Variants in TNNI3K observed in about 807,000 individuals in gnomAD.
TNNI3K encodes the protein TNNI3 interacting kinase.
A neutral mutation model predicts 114.5 loss-of-function variants in TNNI3K; 140 were observed. That is an observed-to-expected ratio of 1.22 (90% CI 1.07 to 1.41). TNNI3K has a LOEUF of 1.41. TNNI3K is among the 40% of genes most tolerant of loss of function. The pLI is 0.00. For synonymous variants in TNNI3K, 347 were observed against 347.5 expected, an observed-to-expected ratio of 1.00 and a Z score of 0.02; for missense variants, 1,125 against 1,007.6, an observed-to-expected ratio of 1.12 and a Z score of -1.58.
chr1:74,285,751 C>T (rs531198932), intron 5 of TNNI3K, among the ~76,000 whole-genome samples: 1 of 152,060 alleles, frequency 6.6e-6, no homozygotes, highest in African/African-American at 2.4e-5. Context: ...AGGAATTAAA[C>T]AGAATGAGGA....
At chr1:74,280,157 C>T (rs551798381) in intron 5 of TNNI3K, among the ~76,000 whole-genome samples, 1 of 152,198 alleles carries the variant, frequency 6.6e-6, no homozygotes, top group Non-Finnish European at 1.5e-5. Context: ...CCGAGATGGG[C>T]TGTTCACGAG....
At chr1:74,442,054 A>T (rs1031061518) in intron 20 of TNNI3K, among the ~76,000 whole-genome samples, 2 of 151,500 alleles carry the variant, frequency 1.3e-5, no homozygotes, top group African/African-American at 4.8e-5. Context: ...ACTTCCCCCT[A>T]TTTTTTTTAT....
At chr1:74,329,189 G>T (rs1227830438) in intron 5 of TNNI3K, among the ~76,000 whole-genome samples, 1 of 152,020 alleles carries the variant, frequency 6.6e-6, no homozygotes, top group Admixed American at 6.6e-5. Flanking sequence ...TTTCACTTCT[G>T]CTCCCCAGAG....
intron 5 of TNNI3K, among the ~76,000 whole-genome samples, chr1:74,315,555 G>T (rs556296359): frequency 8.0e-5 from 12 of 150,884 alleles, no homozygotes; most frequent in East Asian, 7.8e-4. Flanking sequence ...CCAAGTTTTT[G>T]GTTTTTTTTT....
chr1:74,428,565 A>G (rs1336494607), intron 17 of TNNI3K, among the ~76,000 whole-genome samples: 1 of 152,074 alleles, frequency 6.6e-6, no homozygotes, highest in African/African-American at 2.4e-5. Context: ...TTTATCTTGA[A>G]GAAAATTCTT....
At chr1:74,369,312 T>G (rs200625389) in intron 15 of TNNI3K, 48 bp downstream of exon 15, 3 of 1,607,324 alleles carry the variant, frequency 1.9e-6, no homozygotes, top group Non-Finnish European at 2.5e-6. Flanking sequence ...AATTGTGACC[T>G]TTGAGAAGCA....
chr1:74,289,054 G>A (rs1051737648), intron 5 of TNNI3K, among the ~76,000 whole-genome samples: 6 of 40,836 alleles, frequency 1.5e-4, no homozygotes, highest in African/African-American at 5.1e-4. Flanking sequence ...CACATAGTGT[G>A]GTTAAACAGA....
At chr1:74,465,259 A>C (rs1667619248) in intron 21 of TNNI3K, among the ~76,000 whole-genome samples, 1 of 152,152 alleles carries the variant, frequency 6.6e-6, no homozygotes, top group African/African-American at 2.4e-5. Flanking sequence ...CCACTCCCTC[A>C]GCTTGCGGGG....
At chr1:74,452,800 C>T (rs45477800) in intron 20 of TNNI3K, among the ~76,000 whole-genome samples, 3,007 of 152,238 alleles carry the variant, frequency 0.02, 87 homozygotes, top group African/African-American at 0.069. Flanking sequence ...TCCATCTCAC[C>T]ACATGCAGCC....
intron 21 of TNNI3K, among the ~76,000 whole-genome samples, chr1:74,464,274 G>A (rs1667573997): frequency 6.6e-6 from 1 of 152,170 alleles, no homozygotes; most frequent in African/African-American, 2.4e-5. Flanking sequence ...TAGTAACACA[G>A]TTCAGTCCAG....
Position 74,369,422 on chromosome 1 carries a change from G to T in TNNI3K, c.1504G>T (p.Asp502Tyr). Residue 502 changes from aspartate (D) to tyrosine (Y), a missense_variant, in exon 16 of 25, where the codon GAT (aspartate) becomes TAT (tyrosine). By Grantham distance (160) the Asp-to-Tyr change is radical (BLOSUM62 -3). Transcript: ENST00000326637. ...YRANTYCSKSDVDMFCREVSI... is the reference protein window; with the variant it reads ...YRANTYCSKSYVDMFCREVSI... ...AGCCAATACCTACTGCTCCAAGTCAGATGTGGATATGTTTTGCCGAGAGGT... is the reference window on the plus strand; with the variant it reads ...AGCCAATACCTACTGCTCCAAGTCATATGTGGATATGTTTTGCCGAGAGGT... 1.9e-6 allele frequency: 3 copies of T among 1,611,818 alleles called. No individual in the cohort carries two copies. The highest frequency in any genetic ancestry group is 2.5e-6 in the Non-Finnish European group (3 of 1,178,878).
chr1:74,526,092 G>A (rs1393272356), intron 23 of TNNI3K, among the ~76,000 whole-genome samples: 1 of 152,190 alleles, frequency 6.6e-6, no homozygotes, highest in African/African-American at 2.4e-5. Context: ...AACCTCCTTA[G>A]GGTATTTCAA....
At chr1:74,354,577 T>C (rs1015493817) in intron 11 of TNNI3K, among the ~76,000 whole-genome samples, 3 of 152,198 alleles carry the variant, frequency 2.0e-5, no homozygotes, top group Admixed American at 6.5e-5. Context: ...GACCCAAGTG[T>C]AAACTTATTT....
chr1:74,322,072 G>T (rs1557495908), intron 5 of TNNI3K, among the ~76,000 whole-genome samples: 2 of 152,152 alleles, frequency 1.3e-5, no homozygotes, highest in Non-Finnish European at 2.9e-5. Flanking sequence ...CATCTAAAAT[G>T]CTTTCTAAGC....
At chr1:74,283,228 CA>C (rs1242171267) in intron 5 of TNNI3K, among the ~76,000 whole-genome samples, 1 of 152,066 alleles carries the variant, frequency 6.6e-6, no homozygotes, top group Non-Finnish European at 1.5e-5. Flanking sequence ...GAGTTGAAAC[CA>C]TAAACTCTAT....
intron 23 of TNNI3K, among the ~76,000 whole-genome samples, chr1:74,511,438 T>C (rs1487716258): frequency 6.6e-6 from 1 of 152,168 alleles, no homozygotes; most frequent in Admixed American, 6.5e-5. Flanking sequence ...CCTCAAGTAA[T>C]TCACTCTTAT....
At chr1:74,385,144 A>G (rs752625409) in intron 17 of TNNI3K, among the ~76,000 whole-genome samples, 12 of 152,302 alleles carry the variant, frequency 7.9e-5, no homozygotes, top group Non-Finnish European at 1.3e-4. Flanking sequence ...GTAAAATAGT[A>G]CATACCATAT....
At chr1:74,511,623 C>T (rs1010869581) in intron 23 of TNNI3K, among the ~76,000 whole-genome samples, 1 of 151,806 alleles carries the variant, frequency 6.6e-6, no homozygotes, top group African/African-American at 2.4e-5. Flanking sequence ...TATTGGACAC[C>T]CAATGATGGA....
intron 2 of TNNI3K, among the ~76,000 whole-genome samples, chr1:74,242,485 TATAAG>T (rs937003281): frequency 6.6e-6 from 1 of 152,210 alleles, no homozygotes; most frequent in Non-Finnish European, 1.5e-5. Flanking sequence ...ATTTGGCTAT[TATAAG>T]ATGAATAGCA....
Sources: gnomAD v4.1 joint callset for allele counts (sites outside exome capture counted in the v4.1 genomes callset) on GRCh38, gnomAD v4.1.1 for gene constraint, MANE v1.5 for transcripts, NCBI Gene and HGNC (gene_info 2026-07-23, HGNC 2026-07-21) for gene names.